The following MATN2 variants were observed in gnomAD, a reference collection of about 807,000 sequenced individuals.
MATN2 encodes the protein matrilin 2, also known as matrilin-2.
In MATN2, 69 loss-of-function variants were observed where a neutral mutation model predicts 103.2. The observed-to-expected ratio is 0.67, with a 90% confidence interval of 0.55 to 0.82. The LOEUF is 0.82. Ranked by LOEUF, MATN2 falls within the 40% of genes least tolerant of loss-of-function variation. MATN2 has a pLI of 0.00. For missense variants in MATN2, 1,023 were observed against 1,211.5 expected (o/e 0.84, Z 2.31); for synonymous variants, 429 against 450.2 (o/e 0.95, Z 0.60).
At chr8:97,984,805 G>A (rs1263464469) in intron 6 of MATN2, among the ~76,000 whole-genome samples, 2 of 151,858 alleles carry the variant, frequency 1.3e-5, no homozygotes, top group African/African-American at 4.9e-5. Flanking sequence ...AAATTAAACA[G>A]ACCAAAAAGA....
At position 97,896,616 on chromosome 8, in the gene MATN2, G is replaced by A. The variant is rs559699896; in HGVS notation, c.142+8374G>A. Reference sequence around the variant, plus strand: ...GTGGGATCAGATAATGCAGGGCTAGGCAATGGGATCAGGCAACACAACAGG... The same window carrying A: ...GTGGGATCAGATAATGCAGGGCTAGACAATGGGATCAGGCAACACAACAGG... On this transcript the variant is annotated intron_variant, in intron 2 of 18. Transcript: ENST00000254898. Among the ~76,000 whole-genome samples, 5 of 150,936 alleles carry A rather than the reference G, an allele frequency of 3.3e-5. No individual in the cohort carries two copies. In the East Asian group the frequency reaches 9.8e-4, roughly 29 times the overall value.
intron 10 of MATN2, among the ~76,000 whole-genome samples, chr8:98,012,409 G>A (rs1002256898): frequency 6.6e-6 from 1 of 152,092 alleles, no homozygotes; most frequent in African/African-American, 2.4e-5. Context: ...CAGAGGAGGG[G>A]GCTGTGGGAG....
At chr8:97,991,392 T>C (rs1158064461) in intron 6 of MATN2, among the ~76,000 whole-genome samples, 1 of 152,222 alleles carries the variant, frequency 6.6e-6, no homozygotes, top group African/African-American at 2.4e-5. Context: ...TAGCTGGGAC[T>C]ACAGGCAGGT....
chr8:97,917,587 G>A (rs960693773), intron 2 of MATN2, among the ~76,000 whole-genome samples: 2 of 152,146 alleles, frequency 1.3e-5, no homozygotes, highest in African/African-American at 4.8e-5. Flanking sequence ...CAGGGAGCCT[G>A]GCTACCCCAA....
chr8:97,913,504 G>A (rs984764535), intron 2 of MATN2, among the ~76,000 whole-genome samples: 7 of 151,886 alleles, frequency 4.6e-5, no homozygotes, highest in South Asian at 2.1e-4. Context: ...TAGTAGAGAC[G>A]GGGTTTCGCC....
chr8:97,890,741 T>C (rs1169854042), intron 2 of MATN2, among the ~76,000 whole-genome samples: 1 of 152,222 alleles, frequency 6.6e-6, no homozygotes, highest in Non-Finnish European at 1.5e-5. Context: ...ACATTTCACT[T>C]TTTAATGGCA....
intron 2 of MATN2, among the ~76,000 whole-genome samples, chr8:97,916,112 C>G (rs1809620564): frequency 6.6e-6 from 1 of 151,098 alleles, no homozygotes; most frequent in Non-Finnish European, 1.5e-5. Context: ...CTCAGTTACC[C>G]AGGCTGGAGT....
chr8:97,883,066 G>T (rs369543390), intron 1 of MATN2, among the ~76,000 whole-genome samples: 2 of 152,170 alleles, frequency 1.3e-5, no homozygotes, highest in South Asian at 4.1e-4. Flanking sequence ...CACCCTGAGA[G>T]GCCAAGGCAG....
At chr8:97,884,599 C>T (rs113829801) in intron 1 of MATN2, among the ~76,000 whole-genome samples, 9,346 of 152,048 alleles carry the variant, frequency 0.061, 332 homozygotes, top group African/African-American at 0.095. Flanking sequence ...GATGAAACCC[C>T]GCCTCTACTA....
At chr8:97,970,536 T>C (rs962848122) in intron 5 of MATN2, among the ~76,000 whole-genome samples, 2 of 152,176 alleles carry the variant, frequency 1.3e-5, no homozygotes, top group Admixed American at 1.3e-4. Flanking sequence ...CTGTTGCTTG[T>C]TGCACAGAAA....
intron 6 of MATN2, among the ~76,000 whole-genome samples, chr8:97,979,925 A>G (rs1018859939): frequency 1.3e-5 from 2 of 152,094 alleles, no homozygotes; most frequent in Non-Finnish European, 2.9e-5. Flanking sequence ...CTTACTTCCT[A>G]CTCTTCAATA....
At chr8:97,950,434 A>G (rs1376985369) in intron 4 of MATN2, among the ~76,000 whole-genome samples, 2 of 137,964 alleles carry the variant, frequency 1.4e-5, no homozygotes, top group African/African-American at 2.8e-5. Flanking sequence ...TATGTGCTGT[A>G]TTAGAGGTAG....
At chr8:97,998,631 G>A (rs1452175938) in intron 7 of MATN2, among the ~76,000 whole-genome samples, 3 of 149,792 alleles carry the variant, frequency 2.0e-5, no homozygotes, top group African/African-American at 7.3e-5. Context: ...GCTGAAGCGA[G>A]AGCTTCAGCA....
At chr8:97,964,028 T>A (rs1811401708) in intron 5 of MATN2, among the ~76,000 whole-genome samples, 1 of 151,390 alleles carries the variant, frequency 6.6e-6, no homozygotes, top group African/African-American at 2.4e-5. Flanking sequence ...AAGATCTGAG[T>A]GTGGAAGGAA....
intron 1 of MATN2, among the ~76,000 whole-genome samples, chr8:97,879,178 G>A (rs1818172618): frequency 6.6e-6 from 1 of 152,208 alleles, no homozygotes; most frequent in Non-Finnish European, 1.5e-5. Flanking sequence ...AGAAAACCGA[G>A]AGAATATTTT....
intron 2 of MATN2, among the ~76,000 whole-genome samples, chr8:97,898,835 G>A (rs973892466): frequency 6.6e-6 from 1 of 151,978 alleles, no homozygotes. Flanking sequence ...CTGCAGCCTC[G>A]ACCTCCAGGC....
rs1812264855 is a variant in MATN2 at position 97,988,170 on chromosome 8, A to AT, written c.1082-6310_1082-6309insT. Reference sequence around the variant, plus strand: ...TCTCCACCAAAAAAAAAAAAAAAAAAAATATATATATATATATATACACAC... The same window carrying AT: ...TCTCCACCAAAAAAAAAAAAAAAAAATAATATATATATATATATATACACAC... On this transcript the variant is annotated intron_variant, in intron 6 of 18. Coordinates refer to ENST00000254898, the MANE Select transcript of MATN2 (RefSeq NM_002380.5). Among the ~76,000 whole-genome samples the AT allele has an allele frequency of 7.7e-3, 342 of 44,254 alleles. 2 individuals are homozygous for AT. Among genetic ancestry groups the AT allele is most frequent in the Middle Eastern group, 0.043 (4 of 94 alleles). The allele number at this position is 44,254 out of a possible 152,430, so 29.0% of individuals were successfully genotyped here.
intron 2 of MATN2, among the ~76,000 whole-genome samples, chr8:97,895,321 G>A (rs1054372461): frequency 6.6e-5 from 10 of 152,184 alleles, no homozygotes; most frequent in Non-Finnish European, 8.8e-5. Flanking sequence ...CGACCAACCC[G>A]TGGAAGCCAC....
chr8:97,959,931 T>G (rs1356085817), intron 4 of MATN2, among the ~76,000 whole-genome samples: 1 of 152,214 alleles, frequency 6.6e-6, no homozygotes, highest in Non-Finnish European at 1.5e-5. Flanking sequence ...TTAAGTTTTT[T>G]TAAATCATAC....
Sources: gnomAD v4.1 joint callset for allele counts (sites outside exome capture counted in the v4.1 genomes callset) on GRCh38, gnomAD v4.1.1 for gene constraint, MANE v1.5 for transcripts, NCBI Gene and HGNC (gene_info 2026-07-23, HGNC 2026-07-21) for gene names.